The following AFF3 variants were observed in gnomAD, a reference collection of about 807,000 sequenced individuals.
The protein encoded by AFF3 is ALF transcription elongation factor 3.
In AFF3, 32 loss-of-function variants were observed where a neutral mutation model predicts 129.7. The observed-to-expected ratio is 0.25, with a 90% CI of 0.19 to 0.33. AFF3 has a LOEUF of 0.33. Among genes scored for constraint, AFF3 ranks in the 10% least tolerant of loss-of-function variants. The pLI is 1.00. For missense variants in AFF3, 1,373 were observed against 1,592.0 expected (o/e 0.86, Z 2.34); for synonymous variants, 644 against 635.4 (o/e 1.01, Z -0.20).
chr2:100,142,321 G>T (rs1454319420), intron 1 of AFF3, among the ~76,000 whole-genome samples, 163 bp downstream of exon 1: 1 of 151,932 alleles, frequency 6.6e-6, no homozygotes, highest in Non-Finnish European at 1.5e-5. Flanking sequence ...ACCAGGGCCT[G>T]GACCATCTCG....
chr2:99,792,553 C>T (rs982237216), intron 8 of AFF3, among the ~76,000 whole-genome samples: 6 of 152,144 alleles, frequency 3.9e-5, no homozygotes, highest in Admixed American at 2.6e-4. Flanking sequence ...ATATCTTTGC[C>T]TTAGCATCTT....
At chr2:100,047,544 A>T (rs1014792712) in intron 4 of AFF3, among the ~76,000 whole-genome samples, 4 of 152,220 alleles carry the variant, frequency 2.6e-5, no homozygotes, top group African/African-American at 9.6e-5. Context: ...CAACTTGAAA[A>T]CATTTTTAAT....
At chr2:99,587,067 A>C (rs1678191185) in intron 16 of AFF3, 87 bp downstream of exon 16, 1 of 1,567,142 alleles carries the variant, frequency 6.4e-7, no homozygotes. Flanking sequence ...AGTCCTCAAA[A>C]AGCCTGACCC....
At chr2:99,575,743 A>G (rs1489029398) in intron 18 of AFF3, among the ~76,000 whole-genome samples, 1 of 152,032 alleles carries the variant, frequency 6.6e-6, no homozygotes, top group East Asian at 1.9e-4. Flanking sequence ...TTTTTATTCT[A>G]TTATATCTAT....
chr2:100,033,777 T>C (rs1684698265), intron 4 of AFF3, among the ~76,000 whole-genome samples: 1 of 152,170 alleles, frequency 6.6e-6, no homozygotes, highest in Non-Finnish European at 1.5e-5. Context: ...AGATGCAAAT[T>C]CTTATAATAC....
chr2:99,872,771 G>A (rs1010655015), intron 7 of AFF3, among the ~76,000 whole-genome samples: 3 of 151,888 alleles, frequency 2.0e-5, no homozygotes, highest in African/African-American at 4.8e-5. Flanking sequence ...ATATAACATC[G>A]TTCATTATAC....
chr2:99,827,644 T>C (rs989320510), intron 8 of AFF3, among the ~76,000 whole-genome samples: 1 of 150,236 alleles, frequency 6.7e-6, no homozygotes, highest in Non-Finnish European at 1.5e-5. Context: ...GCACTGAAGA[T>C]ATATATATAT....
intron 19 of AFF3, 33 bp from the exon 20 acceptor site, chr2:99,565,656 A>G: frequency 1.3e-6 from 2 of 1,593,428 alleles, no homozygotes; most frequent in Non-Finnish European, 1.7e-6. Context: ...TGTCTTCCTA[A>G]ACAATAGTTT....
At chr2:100,105,887 C>G (rs1171699545) in intron 2 of AFF3, 3 of 1,332,120 alleles carry the variant, frequency 2.3e-6, no homozygotes, top group Non-Finnish European at 2.0e-6. Context: ...CTCGCACTCC[C>G]CGCCAAAAGG....
In AFF3 at chr2:99,667,155, A is replaced by T. The variant is rs183274853; in HGVS notation, c.1143+5383T>A. 1.9e-3 allele frequency among the ~76,000 whole-genome samples: 288 copies of T among 152,316 alleles called. 2 individuals carry two copies. The highest frequency in any genetic ancestry group is 0.014 in the Middle Eastern group (4 of 294). On this transcript the variant is annotated intron_variant, in intron 12 of 24. Coordinates refer to ENST00000672756, the MANE Select transcript of AFF3 (RefSeq NM_001386135.1). The stretch of plus-strand genomic sequence containing the variant: ...TCTTGGGTCATAAAAAATCCTCAAC[A>T]AATGTATAAGAATTGAAGTCATACA...
intron 2 of AFF3, chr2:100,106,268 G>C (rs563981380): frequency 1.7e-6 from 2 of 1,174,022 alleles, no homozygotes; most frequent in East Asian, 1.2e-4. Flanking sequence ...AAATGAAATT[G>C]TTATTTTACA....
chr2:99,817,267 C>T (rs1384617230), intron 8 of AFF3, among the ~76,000 whole-genome samples: 1 of 152,184 alleles, frequency 6.6e-6, no homozygotes, highest in Non-Finnish European at 1.5e-5. Flanking sequence ...CCCTCTCCTG[C>T]GAGCCCATGT....
Position 99,593,259 on chromosome 2 carries a change from G to A in AFF3, c.2402C>T (p.Pro801Leu), listed in dbSNP as rs897323624. The A allele has an allele frequency of 3.3e-5, 53 of 1,612,268 alleles. No individual in the cohort carries two copies. Among genetic ancestry groups the A allele is most frequent in the African/African-American group, 5.3e-5 (4 of 74,814 alleles). Reference protein sequence around the residue: ...APATKDSESAPPSHTSDTPAE... With the variant: ...APATKDSESALPSHTSDTPAE... ...AGGTGTGTCCGAGGTGTGGCTGGGCGGTGCGCTCTCAGAGTCCTTGGTGGC... is the reference window on the plus strand; with the variant it reads ...AGGTGTGTCCGAGGTGTGGCTGGGCAGTGCGCTCTCAGAGTCCTTGGTGGC... Residue 801 changes from proline (P) to leucine (L), a missense_variant, in exon 15 of 25, where the codon CCG becomes CTG. This residue lies in a region of AFF3 where 466 missense variants were observed against 505.0 expected (regional missense o/e 0.92). Transcript: ENST00000672756.
intron 7 of AFF3, among the ~76,000 whole-genome samples, chr2:99,952,722 CAT>C (rs1676281034): frequency 6.6e-6 from 1 of 152,210 alleles, no homozygotes; most frequent in South Asian, 2.1e-4. Flanking sequence ...TCACATGTCT[CAT>C]GTGTCATGTT....
At chr2:99,582,357 G>A (rs978970947) in intron 17 of AFF3, among the ~76,000 whole-genome samples, 1 of 152,128 alleles carries the variant, frequency 6.6e-6, no homozygotes, top group Non-Finnish European at 1.5e-5. Flanking sequence ...GTGGTGGTGG[G>A]GGTCCCCCAC....
intron 11 of AFF3, among the ~76,000 whole-genome samples, chr2:99,674,539 G>A (rs1687445702): frequency 6.6e-6 from 1 of 152,102 alleles, no homozygotes; most frequent in South Asian, 2.1e-4. Flanking sequence ...CCTCTTTTGG[G>A]TAAACCACCA....
intron 8 of AFF3, among the ~76,000 whole-genome samples, chr2:99,792,970 G>A (rs529819730): frequency 1.2e-4 from 19 of 152,154 alleles, no homozygotes; most frequent in South Asian, 6.2e-4. Flanking sequence ...TTCCTCAACC[G>A]GTAACATCTG....
chr2:99,658,529 T>C (rs1685954634), intron 12 of AFF3, among the ~76,000 whole-genome samples: 1 of 152,212 alleles, frequency 6.6e-6, no homozygotes, highest in Non-Finnish European at 1.5e-5. Context: ...AGTTGTTTTT[T>C]AGTAGAGATG....
chr2:99,855,847 T>C (rs1003410339), intron 7 of AFF3, among the ~76,000 whole-genome samples: 1 of 152,114 alleles, frequency 6.6e-6, no homozygotes, highest in Non-Finnish European at 1.5e-5. Context: ...CTCTGCCAAG[T>C]GATTAAGGTT....
Sources: allele counts gnomAD v4.1 joint callset (sites outside exome capture counted in the v4.1 genomes callset), GRCh38; gene constraint gnomAD v4.1.1; regional missense constraint gnomAD v4.1.1; transcripts MANE v1.5; gene names NCBI Gene and HGNC (gene_info 2026-07-23, HGNC 2026-07-21).